PLA2G4A: variants seen among roughly 807,000 people sequenced by gnomAD.
PLA2G4A encodes cytosolic phospholipase A2.
Under a neutral mutation model 81.9 loss-of-function variants are expected in PLA2G4A, and 40 were observed. The observed-to-expected ratio is 0.49, with a 90% CI of 0.38 to 0.64. The LOEUF is 0.64. PLA2G4A is among the 30% of genes least tolerant of loss of function. The pLI is 0.00. For missense variants in PLA2G4A, 715 were observed against 905.1 expected (o/e 0.79, Z 2.69); for synonymous variants, 302 against 296.9 (o/e 1.02, Z -0.18).
At chr1:186,986,951 C>T (rs139541076) in intron 17 of PLA2G4A, among the ~76,000 whole-genome samples, 8 of 152,300 alleles carry the variant, frequency 5.3e-5, no homozygotes, top group Admixed American at 1.3e-4. Context: ...TTTACCTTAA[C>T]GGACTCATTC....
At position 186,956,296 on chromosome 1, in the gene PLA2G4A, G is replaced by A. The variant is rs543110331; in HGVS notation, c.1531G>A (p.Ala511Thr). Residue 511 changes from alanine (A) to threonine (T), a missense_variant, in exon 14 of 18, where the codon GCC (alanine) becomes ACC (threonine). Physicochemically the swap from Ala to Thr is moderately conservative, Grantham distance 58. Coordinates refer to ENST00000367466, the MANE Select transcript of PLA2G4A (RefSeq NM_024420.3). ...SYPLSPLSDF[A>T]TQDSFDDDEL... ...TCCACTGTCTCCTTTGAGTGACTTT[G>A]CCACACAGGACTCCTTTGATGATGA... The A allele has an allele frequency of 1.8e-5, 29 of 1,613,850 alleles. No individual in the cohort carries two copies. Among genetic ancestry groups the A allele is most frequent in the Middle Eastern group, 1.6e-4 (1 of 6,062 alleles).
At chr1:186,867,532 T>C (rs1371964785) in intron 2 of PLA2G4A, among the ~76,000 whole-genome samples, 1 of 152,148 alleles carries the variant, frequency 6.6e-6, no homozygotes, top group Non-Finnish European at 1.5e-5. Context: ...CAATTGACTT[T>C]TGTGTATTAA....
At chr1:186,986,396 A>G (rs777658710) in intron 17 of PLA2G4A, among the ~76,000 whole-genome samples, 23 of 152,176 alleles carry the variant, frequency 1.5e-4, no homozygotes, top group Admixed American at 1.3e-3. Flanking sequence ...ATGAGGGTTG[A>G]TGTTTCATGG....
At chr1:186,927,816 G>A (rs1655602856) in intron 7 of PLA2G4A, among the ~76,000 whole-genome samples, 1 of 152,184 alleles carries the variant, frequency 6.6e-6, no homozygotes, top group Admixed American at 6.6e-5. Flanking sequence ...TTCTGAAGGA[G>A]ATAAGAGAAA....
intron 3 of PLA2G4A, among the ~76,000 whole-genome samples, chr1:186,879,701 A>G (rs1653653400): frequency 6.6e-6 from 1 of 151,974 alleles, no homozygotes; most frequent in African/African-American, 2.4e-5. Flanking sequence ...TTTCTTAAAT[A>G]AACAAAAATC....
intron 1 of PLA2G4A, among the ~76,000 whole-genome samples, chr1:186,852,735 A>G (rs1652418410): frequency 6.6e-6 from 1 of 152,018 alleles, no homozygotes; most frequent in East Asian, 1.9e-4. Context: ...ACCTCCCAAT[A>G]CCATTACATT....
In PLA2G4A at chr1:186,957,304, T is replaced by C. The variant is rs547979780; in HGVS notation, c.1579+960T>C. 3.9e-5 allele frequency among the ~76,000 whole-genome samples: 6 copies of C among 152,036 alleles called. No individual in the cohort carries two copies. In the South Asian group the frequency reaches 1.0e-3, roughly 26 times the overall value. The stretch of plus-strand genomic sequence containing the variant: ...GTGCTTATAAAATCGTTCCAAACTT[T>C]CAGGAATTTAAATAAGGGAATTAGG... On this transcript the variant is annotated intron_variant, in intron 14 of 17. Transcript: ENST00000367466.
At position 186,930,238 on chromosome 1, in the gene PLA2G4A, G is replaced by C. The variant is rs553295535; in HGVS notation, c.559-2525G>C. Among the ~76,000 whole-genome samples the C allele has an allele frequency of 6.4e-4, 97 of 152,252 alleles. 1 individual carries two copies. The highest frequency in any genetic ancestry group is 2.0e-3 in the Admixed American group (31 of 15,284). ...CAATTATTTGATTATTCAACTTTAC[G>C]TACAAATATCTGAACATTTTCCTTC... On this transcript the variant is annotated intron_variant, in intron 7 of 17. Transcript: ENST00000367466.
chr1:186,854,889 G>A (rs975057058), intron 2 of PLA2G4A, among the ~76,000 whole-genome samples: 6 of 151,760 alleles, frequency 4.0e-5, no homozygotes, highest in African/African-American at 7.3e-5. Flanking sequence ...ATAATTTTCC[G>A]AACTCCAGTG....
chr1:186,917,457 T>A (rs1300599332), intron 7 of PLA2G4A, among the ~76,000 whole-genome samples: 1 of 152,186 alleles, frequency 6.6e-6, no homozygotes, highest in Non-Finnish European at 1.5e-5. Flanking sequence ...TCCACTTTAA[T>A]CCTGTTTCCT....
intron 2 of PLA2G4A, among the ~76,000 whole-genome samples, chr1:186,868,697 A>G (rs1446030864): frequency 1.3e-5 from 2 of 152,204 alleles, no homozygotes; most frequent in Non-Finnish European, 2.9e-5. Flanking sequence ...TGTTGATTCA[A>G]TTTCTTTAAT....
chr1:186,833,879 T>A (rs1651683828), intron 1 of PLA2G4A, among the ~76,000 whole-genome samples: 2 of 152,172 alleles, frequency 1.3e-5, no homozygotes, highest in Admixed American at 6.5e-5. Context: ...ACGCTGAAAG[T>A]TATCAGTGTC....
At chr1:186,835,433 C>A (rs1651744494) in intron 1 of PLA2G4A, among the ~76,000 whole-genome samples, 1 of 152,018 alleles carries the variant, frequency 6.6e-6, no homozygotes, top group African/African-American at 2.4e-5. Flanking sequence ...TAATTTGGAG[C>A]AATTATGTAA....
At chr1:186,932,294 C>CTTTTTTTTTTT (rs67757094) in intron 7 of PLA2G4A, among the ~76,000 whole-genome samples, 3 of 138,560 alleles carry the variant, frequency 2.2e-5, no homozygotes, top group African/African-American at 5.2e-5. Context: ...TTTTCTTTTT[C>CTTTTTTTTTTT]TTTTTTTTTT....
intron 15 of PLA2G4A, among the ~76,000 whole-genome samples, chr1:186,974,733 T>A (rs1274116753): frequency 6.6e-6 from 1 of 152,188 alleles, no homozygotes; most frequent in African/African-American, 2.4e-5. Flanking sequence ...TTCACTGAAA[T>A]CTTTTAAAAT....
chr1:186,888,209 T>C (rs1237511366), intron 3 of PLA2G4A, among the ~76,000 whole-genome samples: 1 of 152,234 alleles, frequency 6.6e-6, no homozygotes, highest in Non-Finnish European at 1.5e-5. Flanking sequence ...ACAAAGTCTG[T>C]GGATGTTTTA....
chr1:186,897,176 C>T (rs539392382), intron 5 of PLA2G4A, among the ~76,000 whole-genome samples: 1 of 152,240 alleles, frequency 6.6e-6, no homozygotes, highest in African/African-American at 2.4e-5. Context: ...TTTTGTCATC[C>T]AAACGTTAAT....
intron 3 of PLA2G4A, among the ~76,000 whole-genome samples, chr1:186,888,916 G>T (rs1018378): frequency 0.072 from 10,927 of 152,110 alleles, 486 homozygotes; most frequent in African/African-American, 0.11. Flanking sequence ...GCTATGTTTT[G>T]TAACACATAA....
chr1:186,970,433 T>A (rs2102284245), intron 15 of PLA2G4A, among the ~76,000 whole-genome samples: 1 of 152,218 alleles, frequency 6.6e-6, no homozygotes, highest in Admixed American at 6.5e-5. Context: ...TGTTCATTTT[T>A]GCTTTGGTTG....
Sources: gnomAD v4.1 joint callset for allele counts (sites outside exome capture counted in the v4.1 genomes callset) on GRCh38, gnomAD v4.1.1 for gene constraint, MANE v1.5 for transcripts, NCBI Gene and HGNC (gene_info 2026-07-23, HGNC 2026-07-21) for gene names.